Variants in IQCM observed in about 807,000 individuals in gnomAD.
IQCM encodes IQ motif containing M, also known as IQ domain-containing protein M.
IQCM carries 45 observed loss-of-function variants against 57.6 expected under a neutral mutation model. The observed-to-expected ratio is 0.78, with a 90% confidence interval of 0.62 to 1.00. The LOEUF (loss-of-function observed/expected upper bound fraction) is 1.00, where lower values mean the gene tolerates loss of function less well. Ranked by LOEUF, IQCM falls within the 50% of genes least tolerant of loss-of-function variation. The probability of loss-of-function intolerance (pLI) is 0.00; values close to 1 mark genes in which losing one functional copy is unlikely to be tolerated. For missense variants in IQCM, 468 were observed against 511.6 expected (o/e 0.91, Z 0.82); for synonymous variants, 148 against 158.9 (o/e 0.93, Z 0.51).
chr4:149,402,595 A>C (rs570731984), intron 13 of IQCM, among the ~76,000 whole-genome samples: 3 of 151,922 alleles, frequency 2.0e-5, no homozygotes, highest in African/African-American at 7.2e-5. Context: ...ACTTATGTAC[A>C]TTCAATAAAC....
rs370239589 is a variant in IQCM at position 149,590,125 on chromosome 4, A to T, written c.682-2128T>A. Among the ~76,000 whole-genome samples, 10 of 151,194 alleles carry T rather than the reference A, an allele frequency of 6.6e-5. No homozygotes were observed. The East Asian group carries it at 1.8e-3, about 27-fold the overall frequency. On this transcript the variant is annotated intron_variant, in intron 8 of 13. Coordinates refer to ENST00000636793, the MANE Select transcript of IQCM (RefSeq NM_001363507.2). The stretch of plus-strand genomic sequence containing the variant: ...CAATCTCAGACAAACATTCCTGAGG[A>T]TTTCCTTTCTTTAGATGTCCTCTGT...
intron 13 of IQCM, among the ~76,000 whole-genome samples, chr4:149,359,716 A>G (rs570693649): frequency 6.6e-6 from 1 of 152,154 alleles, no homozygotes; most frequent in Non-Finnish European, 1.5e-5. Context: ...ACAAATTTTT[A>G]TATTCACAAG....
chr4:149,574,188 G>C (rs1561008683), intron 9 of IQCM, among the ~76,000 whole-genome samples: 2 of 151,906 alleles, frequency 1.3e-5, no homozygotes, highest in South Asian at 2.1e-4. Context: ...GACCTCCTCT[G>C]AGTTAGAGAA....
rs566655987 is a variant in IQCM, at chr4:149,568,345, T to C, written c.750-4455A>G. Among the ~76,000 whole-genome samples the C allele has an allele frequency of 3.9e-4, 59 of 152,288 alleles. 2 individuals carry two copies. The highest frequency in any genetic ancestry group is 1.3e-3 in the African/African-American group (56 of 41,572). On this transcript the variant is annotated intron_variant, in intron 9 of 13. Coordinates refer to ENST00000636793, the MANE Select transcript of IQCM (RefSeq NM_001363507.2). ...GGTCATGTCTTTTCCTTGACAAGAC[T>C]CATGATCCTTGACCTTGTTACAATG...
chr4:149,580,123 A>G (rs1174966620), intron 9 of IQCM, among the ~76,000 whole-genome samples: 5 of 151,806 alleles, frequency 3.3e-5, no homozygotes, highest in African/African-American at 1.2e-4. Context: ...ATGATAGAAC[A>G]AATACTGATA....
At chr4:149,653,427 T>C (rs897244833) in intron 7 of IQCM, among the ~76,000 whole-genome samples, 4 of 152,144 alleles carry the variant, frequency 2.6e-5, no homozygotes, top group Non-Finnish European at 4.4e-5. Flanking sequence ...GAAGCCAACC[T>C]CTCTTTCTTT....
At chr4:149,420,611 T>A (rs1188459471) in intron 13 of IQCM, among the ~76,000 whole-genome samples, 2 of 151,984 alleles carry the variant, frequency 1.3e-5, no homozygotes, top group Non-Finnish European at 2.9e-5. Context: ...CTGCACATCC[T>A]GCACATGGAC....
At chr4:149,753,182 A>G (rs17440226) in intron 2 of IQCM, among the ~76,000 whole-genome samples, 4,302 of 152,254 alleles carry the variant, frequency 0.028, 196 homozygotes, top group African/African-American at 0.098. Context: ...AACTAACACT[A>G]GGAAAGACAG....
At chr4:149,354,729 T>C (rs948125891) in intron 13 of IQCM, among the ~76,000 whole-genome samples, 27 of 152,256 alleles carry the variant, frequency 1.8e-4, no homozygotes, top group African/African-American at 6.5e-4. Flanking sequence ...TGGTATTCAA[T>C]CTTAGTTTCC....
intron 9 of IQCM, among the ~76,000 whole-genome samples, chr4:149,565,494 A>C (rs1750537048): frequency 6.6e-6 from 1 of 152,058 alleles, no homozygotes; most frequent in African/African-American, 2.4e-5. Flanking sequence ...CTATCTCCTG[A>C]TATTCTCTAT....
At chr4:149,782,355 C>T (rs1454394606) in intron 2 of IQCM, among the ~76,000 whole-genome samples, 2 of 152,026 alleles carry the variant, frequency 1.3e-5, no homozygotes. Context: ...ATATTTTTCA[C>T]ACTAAATATG....
intron 13 of IQCM, among the ~76,000 whole-genome samples, chr4:149,408,908 G>C (rs905236971): frequency 2.0e-5 from 3 of 152,092 alleles, no homozygotes; most frequent in Non-Finnish European, 2.9e-5. Flanking sequence ...TGTCATTCAA[G>C]AAAAACCCCA....
intron 2 of IQCM, among the ~76,000 whole-genome samples, chr4:149,763,173 A>T (rs1769702750): frequency 1.3e-5 from 2 of 152,154 alleles, no homozygotes; most frequent in Admixed American, 1.3e-4. Flanking sequence ...GTCACCAGGA[A>T]GCAATAATGT....
chr4:149,640,793 T>A (rs1435296610), intron 7 of IQCM, among the ~76,000 whole-genome samples: 1 of 152,200 alleles, frequency 6.6e-6, no homozygotes, highest in African/African-American at 2.4e-5. Context: ...TTAAAAGTTT[T>A]TTAACAACCG....
chr4:149,411,037 T>C (rs1454328197), intron 13 of IQCM, among the ~76,000 whole-genome samples: 1 of 152,130 alleles, frequency 6.6e-6, no homozygotes, highest in Non-Finnish European at 1.5e-5. Context: ...TTGTCTTCTT[T>C]GTTGCCATTG....
At position 149,560,857 on chromosome 4, in the gene IQCM, C is replaced by G. The variant is rs533888930; in HGVS notation, c.948+2835G>C. The stretch of plus-strand genomic sequence containing the variant: ...TAAAGCAATATGACTATGGAAGTCT[C>G]CCAGCGGAGGGACTGCCACAGTTCT... On this transcript the variant is annotated intron_variant, in intron 10 of 13. Coordinates refer to ENST00000636793, the MANE Select transcript of IQCM (RefSeq NM_001363507.2). Among the ~76,000 whole-genome samples the G allele has an allele frequency of 4.6e-4, 70 of 152,290 alleles. No homozygotes were observed. In the South Asian group the frequency reaches 0.015, roughly 32 times the overall value.
chr4:149,407,351 T>C (rs1333303135), intron 13 of IQCM, among the ~76,000 whole-genome samples: 1 of 152,154 alleles, frequency 6.6e-6, no homozygotes, highest in Non-Finnish European at 1.5e-5. Flanking sequence ...GATTTAAGGG[T>C]ACAAGTGCAG....
intron 9 of IQCM, among the ~76,000 whole-genome samples, chr4:149,576,179 C>T (rs555724372): frequency 2.6e-5 from 4 of 151,502 alleles, no homozygotes; most frequent in African/African-American, 9.7e-5. Flanking sequence ...AGGGTGTACC[C>T]GTGCAGGATT....
intron 12 of IQCM, among the ~76,000 whole-genome samples, chr4:149,503,877 T>A (rs777995283): frequency 3.7e-4 from 56 of 152,088 alleles, no homozygotes; most frequent in Admixed American, 5.9e-4. Flanking sequence ...ATGAAATTCA[T>A]CTGGAATTTT....
Sources: gnomAD v4.1 joint callset for allele counts (sites outside exome capture counted in the v4.1 genomes callset) on GRCh38, gnomAD v4.1.1 for gene constraint, MANE v1.5 for transcripts, NCBI Gene and HGNC (gene_info 2026-07-23, HGNC 2026-07-21) for gene names.